The following ETNK2 variants were observed in gnomAD, a reference collection of about 807,000 sequenced individuals.
ETNK2 encodes ethanolamine kinase 2.
In ETNK2, 33 loss-of-function variants were observed where a neutral mutation model predicts 46.2. The observed-to-expected ratio is 0.71, with a 90% CI of 0.54 to 0.96. The LOEUF (loss-of-function observed/expected upper bound fraction) is 0.96, where lower values mean the gene tolerates loss of function less well. Among genes scored for constraint, ETNK2 ranks in the 40% least tolerant of loss-of-function variants. ETNK2 has a pLI of 0.00. For synonymous variants in ETNK2, 194 were observed against 209.0 expected (o/e 0.93, Z 0.62); for missense variants, 445 against 509.7 (o/e 0.87, Z 1.22).
At chr1:204,132,757 AT>A (rs986280684) in intron 7 of ETNK2, among the ~76,000 whole-genome samples, 4 of 151,086 alleles carry the variant, frequency 2.6e-5, no homozygotes, top group South Asian at 2.1e-4. Context: ...CTTCAACTAC[AT>A]TTTTTTTCTT....
Position 204,132,042 on chromosome 1 carries a change from G to A in ETNK2, c.*142C>T, listed in dbSNP as rs1012201125. The A allele has an allele frequency of 2.4e-4, 169 of 709,984 alleles. 2 individuals carry two copies. Among genetic ancestry groups the A allele is most frequent in the South Asian group, 1.9e-3 (115 of 61,084 alleles). The allele number at this position is 709,984 out of a possible 1,614,324, so 44.0% of individuals were successfully genotyped here. On this transcript the variant is annotated 3_prime_UTR_variant, in exon 8 of 8. Coordinates refer to ENST00000367202, the MANE Select transcript of ETNK2 (RefSeq NM_018208.4). ...TCAGTGGCAACCACTGGGGTCTGGC[G>A]GCAGGGACAGAGCCTTCTCCCTGGA...
rs376162037 is a variant in ETNK2 at position 204,151,638 on chromosome 1, T to C, written c.215A>G (p.Gln72Arg). 5 of 1,549,146 alleles carry C rather than the reference T, an allele frequency of 3.2e-6. No individual in the cohort carries two copies. In the African/African-American group the frequency reaches 5.5e-5, roughly 17 times the overall value. ...DILPGALRLI[Q>R]ELRPHWKPEQ... ...GGGTTTCCAATGCGGCCGCAGCTCC[T>C]GGATGAGGCGCAGGGCCCCGGGAAG... The change falls in exon 1 of 8, where the codon CAG becomes CGG. Residue 72 changes from glutamine to arginine, a missense_variant. Coordinates refer to ENST00000367202, the MANE Select transcript of ETNK2 (RefSeq NM_018208.4). This position sits in a 1 kb window ranked among gnomAD's most constrained non-coding sequence, Gnocchi z 8.0.
intron 2 of ETNK2, among the ~76,000 whole-genome samples, chr1:204,149,063 C>T (rs575120489): frequency 5.9e-5 from 9 of 152,268 alleles, no homozygotes; most frequent in African/African-American, 2.2e-4. Context: ...TTCCAGGCTC[C>T]ACAGCATTCC....
Position 204,151,511 on chromosome 1 carries a change from C to A in ETNK2, c.258+84G>T. 6.6e-7 allele frequency: 1 copy of A among 1,526,174 alleles called. No individual in the cohort carries two copies. The highest frequency in any genetic ancestry group is 8.8e-7 in the Non-Finnish European group (1 of 1,134,002). 94.5% of individuals were successfully genotyped at this position (1,526,174 alleles called of 1,614,324 possible). A position where few individuals can be genotyped will look rare whatever the true frequency, so the allele number is the denominator to read the frequency against. ...GCCGCGCACCCCTGGGACTGACACCCGGAAGGATGCGAGGACTGGGTCCCC... is the reference window on the plus strand; with the variant it reads ...GCCGCGCACCCCTGGGACTGACACCAGGAAGGATGCGAGGACTGGGTCCCC... On this transcript the variant is annotated intron_variant, in intron 1 of 7. Coordinates refer to ENST00000367202, the MANE Select transcript of ETNK2 (RefSeq NM_018208.4). This position sits in a 1 kb window ranked among gnomAD's most constrained non-coding sequence, Gnocchi z 8.0.
At chr1:204,140,227 C>T in intron 4 of ETNK2, 109 bp from the exon 5 acceptor site, 2 of 811,380 alleles carry the variant, frequency 2.5e-6, no homozygotes, top group South Asian at 1.4e-5. Flanking sequence ...ATGCCGGCCT[C>T]TGCAGCAACC....
chr1:204,151,541 C>G lies in ETNK2; in HGVS notation c.258+54G>C. ...GGATGCGAGGACTGGGTCCCCGCAT[C>G]CCCCTGGCAGCCCTGGCAGGACCCC... On this transcript the variant is annotated intron_variant, in intron 1 of 7. Coordinates refer to ENST00000367202, the MANE Select transcript of ETNK2 (RefSeq NM_018208.4). This position sits in a 1 kb window ranked among gnomAD's most constrained non-coding sequence, Gnocchi z 8.0. 2 of 1,544,172 alleles carry G rather than the reference C, an allele frequency of 1.3e-6. No homozygotes were observed. Among genetic ancestry groups the G allele is most frequent in the Non-Finnish European group, 1.7e-6 (2 of 1,144,758 alleles).
At position 204,151,646 on chromosome 1, in the gene ETNK2, G is replaced by A. The variant is rs920148767; in HGVS notation, c.207C>T (p.Arg69=). The change falls in exon 1 of 8, where the codon CGC becomes CGT. Residue 69 remains arginine, a synonymous_variant. Transcript: ENST00000367202. This position sits in a 1 kb window ranked among gnomAD's most constrained non-coding sequence, Gnocchi z 8.0. ...DPDDILPGAL[R]LIQELRPHWK... is the part of the protein sequence containing the mutation. ...AATGCGGCCGCAGCTCCTGGATGAG[G>A]CGCAGGGCCCCGGGAAGGATGTCGT... 6 of 1,549,358 alleles carry A rather than the reference G, an allele frequency of 3.9e-6. No individual in the cohort carries two copies. Among genetic ancestry groups the A allele is most frequent in the Non-Finnish European group, 5.2e-6 (6 of 1,146,386 alleles).
chr1:204,131,877 T>G lies in ETNK2; in HGVS notation c.*307A>C. On this transcript the variant is annotated 3_prime_UTR_variant, in exon 8 of 8. Transcript: ENST00000367202. This position sits in a 1 kb window ranked among gnomAD's most constrained non-coding sequence, Gnocchi z 4.3. ...AGGCAGCCCCAATTCCAGCAGGGCC[T>G]GAGGCTGGGAATGATGTGTTTCCCA... The G allele has an allele frequency of 2.6e-6, 1 of 389,180 alleles. No homozygotes were observed. The highest frequency in any genetic ancestry group is 3.5e-5 in the South Asian group (1 of 28,806). 24.1% of individuals were successfully genotyped at this position (389,180 alleles called of 1,614,324 possible). A position where few individuals can be genotyped will look rare whatever the true frequency, so the allele number is the denominator to read the frequency against.
Position 204,151,451 on chromosome 1 carries a change from A to G in ETNK2, c.258+144T>C. 1 of 1,221,674 alleles carries G rather than the reference A, an allele frequency of 8.2e-7. No homozygotes were observed. The highest frequency in any genetic ancestry group is 1.1e-6 in the Non-Finnish European group (1 of 877,868). The allele number at this position is 1,221,674 out of a possible 1,614,324, so 75.7% of individuals were successfully genotyped here. A position where few individuals can be genotyped will look rare whatever the true frequency, so the allele number is the denominator to read the frequency against. On this transcript the variant is annotated intron_variant, in intron 1 of 7. Coordinates refer to ENST00000367202, the MANE Select transcript of ETNK2 (RefSeq NM_018208.4). The surrounding 1 kb of genome is among the most constrained non-coding windows in gnomAD (Gnocchi z 8.0). ...TTTGGTAGCGACGAAATCAATCCGT[A>G]CACAAACCACGTTCCAAACCTTTCT...
At chr1:204,147,683 T>C (rs978653521) in intron 2 of ETNK2, 2 of 440,074 alleles carry the variant, frequency 4.5e-6, no homozygotes, top group Admixed American at 2.5e-5. Context: ...GAAACCTTGT[T>C]ACCAAGCTGT....
Position 204,151,612 on chromosome 1 carries a change from C to T in ETNK2, c.241G>A (p.Glu81Lys). The change falls in exon 1 of 8, where the codon GAG becomes AAG. Residue 81 changes from glutamate to lysine, a missense_variant. Transcript: ENST00000367202. The surrounding 1 kb of genome is among the most constrained non-coding windows in gnomAD (Gnocchi z 8.0). ...IQELRPHWKP[E>K]QVRTKRFTDG... ...TCCGCTACCTTGGTCCGAACTTGCT[C>T]GGGTTTCCAATGCGGCCGCAGCTCC... 6.5e-7 allele frequency: 1 copy of T among 1,548,540 alleles called. No homozygotes were observed. The highest frequency in any genetic ancestry group is 8.7e-7 in the Non-Finnish European group (1 of 1,145,984).
At chr1:204,137,036 A>G in intron 6 of ETNK2, 68 bp downstream of exon 6, 1 of 1,580,538 alleles carries the variant, frequency 6.3e-7, no homozygotes, top group East Asian at 2.2e-5. Context: ...GTAGGAGGCT[A>G]GGTGGGTCAC....
chr1:204,149,026 T>G (rs1353256313), intron 2 of ETNK2, among the ~76,000 whole-genome samples: 2 of 152,122 alleles, frequency 1.3e-5, no homozygotes, highest in East Asian at 3.9e-4. Flanking sequence ...AGGGAGATGC[T>G]AGGGGTCCTT....
chr1:204,149,995 TGG>T, intron 1 of ETNK2, 33 bp from the exon 2 acceptor site: 2 of 45,224 alleles, frequency 4.4e-5, no homozygotes, highest in Non-Finnish European at 8.4e-5. Flanking sequence ...CGTGGGTGGG[TGG>T]GTGGGGCAGG....
rs60488986 is a variant in ETNK2, at chr1:204,140,282, T to TCATCCATC, written c.785-172_785-165dup. 9.3e-3 allele frequency among the ~76,000 whole-genome samples: 1,363 copies of TCATCCATC among 146,206 alleles called. 15 individuals are homozygous for TCATCCATC. Among genetic ancestry groups the TCATCCATC allele is most frequent in the Middle Eastern group, 0.078 (22 of 282 alleles). On this transcript the variant is annotated intron_variant, in intron 4 of 7. Transcript: ENST00000367202. ...CAGCAGTCTTCCAAGCTACTTCCATTCATCCATCCATCCATCCATCCATCC... is the reference window on the plus strand; with the variant it reads ...CAGCAGTCTTCCAAGCTACTTCCATTCATCCATCCATCCATCCATCCATCCATCCATCC...
At chr1:204,139,982 C>A in intron 5 of ETNK2, 53 bp downstream of exon 5, 1 of 1,464,036 alleles carries the variant, frequency 6.8e-7, no homozygotes, top group South Asian at 1.1e-5. Context: ...TGCGGTCAGT[C>A]ATTGACTGAA....
intron 7 of ETNK2, among the ~76,000 whole-genome samples, chr1:204,133,697 A>G (rs537600437): frequency 2.6e-3 from 398 of 151,422 alleles, no homozygotes; most frequent in African/African-American, 8.9e-3. Context: ...ACGCCCGGCT[A>G]ATTTTTTGTA....
chr1:204,135,105 ACCT>A (rs1421271998), intron 6 of ETNK2, among the ~76,000 whole-genome samples: 1 of 151,802 alleles, frequency 6.6e-6, no homozygotes, highest in Admixed American at 6.6e-5. Context: ...CCCTACACTA[ACCT>A]CCTCCACTCC....
Position 204,141,303 on chromosome 1 carries a change from G to C in ETNK2, c.784+12C>G. The C allele has an allele frequency of 6.2e-7, 1 of 1,613,974 alleles. No homozygotes were observed. Among genetic ancestry groups the C allele is most frequent in the Non-Finnish European group, 8.5e-7 (1 of 1,179,884 alleles). On this transcript the variant is annotated intron_variant, in intron 4 of 7. Coordinates refer to ENST00000367202, the MANE Select transcript of ETNK2 (RefSeq NM_018208.4). ...AAACCCTGCTGCTGCCCCAGGGCCA[G>C]AGAAGCCATACCTTTGATGCTGTCA...
Sources: allele counts gnomAD v4.1 joint callset (sites outside exome capture counted in the v4.1 genomes callset), GRCh38; gene constraint gnomAD v4.1.1; non-coding constraint Gnocchi (gnomAD v3.1); transcripts MANE v1.5; gene names NCBI Gene and HGNC (gene_info 2026-07-23, HGNC 2026-07-21).